QKI: variants seen among roughly 807,000 people sequenced by gnomAD.
QKI encodes the protein KH domain-containing RNA-binding protein QKI.
In QKI, 10 loss-of-function variants were observed where a neutral mutation model predicts 39.0. The ratio of observed to expected loss-of-function variants is 0.26; its 90% confidence interval spans 0.16 to 0.43. QKI has a LOEUF of 0.43. Ranked by LOEUF, QKI falls within the 20% of genes least tolerant of loss-of-function variation. The probability of loss-of-function intolerance (pLI) is 1.00; values close to 1 mark genes in which losing one functional copy is unlikely to be tolerated. For synonymous variants in QKI, 204 were observed against 155.4 expected, an observed-to-expected ratio of 1.31 and a Z score of -2.33; for missense variants, 218 against 428.0, an observed-to-expected ratio of 0.51 and a Z score of 4.33.
intron 4 of QKI, among the ~76,000 whole-genome samples, chr6:163,542,865 T>A (rs7769044): frequency 2.4e-4 from 37 of 152,124 alleles, no homozygotes; most frequent in Admixed American, 3.9e-4. Flanking sequence ...GTTTTGAAAT[T>A]TAAAGTTGTC....
intron 1 of QKI, among the ~76,000 whole-genome samples, chr6:163,442,302 ATAATT>A (rs1267674199): frequency 6.6e-6 from 1 of 152,372 alleles, no homozygotes; most frequent in Admixed American, 6.5e-5. Context: ...AAATGAAAAA[ATAATT>A]TAAACATTTT....
chr6:163,577,122 T>C lies in QKI; in HGVS notation c.*6412T>C, dbSNP rs957673029. The C allele has an allele frequency of 2.0e-5, 3 of 152,232 alleles. No homozygotes were observed. Among genetic ancestry groups the C allele is most frequent in the African/African-American group, 4.8e-5 (2 of 41,460 alleles). 9.4% of individuals were successfully genotyped at this position (152,232 alleles called of 1,614,324 possible). A position where few individuals can be genotyped will look rare whatever the true frequency, so the allele number is the denominator to read the frequency against. ...ATCATTTCCAGTAGTGTGAAACCTT[T>C]ACGAGTCTTTAACATCTAAATGTTA... On this transcript the variant is annotated 3_prime_UTR_variant, in exon 8 of 8. Transcript: ENST00000361752.
chr6:163,468,921 C>T (rs539438355), intron 2 of QKI, among the ~76,000 whole-genome samples: 4,207 of 146,464 alleles, frequency 0.029, 190 homozygotes, highest in African/African-American at 0.1. Context: ...TTTTTTTTTT[C>T]TTCATTCTCT....
At chr6:163,444,957 C>T (rs1018527450) in intron 1 of QKI, among the ~76,000 whole-genome samples, 5 of 151,864 alleles carry the variant, frequency 3.3e-5, no homozygotes, top group African/African-American at 9.7e-5. Context: ...GTCACCCAGG[C>T]GAGTGCAGCG....
At position 163,540,899 on chromosome 6, in the gene QKI, A is replaced by G. The variant is rs539113673; in HGVS notation, c.546+5774A>G. On this transcript the variant is annotated intron_variant, in intron 4 of 7. Coordinates refer to ENST00000361752, the MANE Select transcript of QKI (RefSeq NM_006775.3). ...CTACTTTTTTTTTCTTCCTGATCCA[A>G]TCTAGTTCTAGAGTTTTATCAATTT... is the stretch of plus-strand genomic sequence containing the variant. Among the ~76,000 whole-genome samples the G allele has an allele frequency of 7.2e-5, 11 of 152,028 alleles. No homozygotes were observed. The South Asian group carries it at 1.7e-3, about 23-fold the overall frequency.
chr6:163,487,047 G>A (rs939129257), intron 3 of QKI, among the ~76,000 whole-genome samples: 1 of 152,174 alleles, frequency 6.6e-6, no homozygotes, highest in African/African-American at 2.4e-5. Context: ...AATTAATTCA[G>A]TCTTGTGATT....
At chr6:163,551,974 T>A (rs1782257221) in intron 4 of QKI, among the ~76,000 whole-genome samples, 1 of 152,116 alleles carries the variant, frequency 6.6e-6, no homozygotes, top group Non-Finnish European at 1.5e-5. Context: ...CAGTTGAAAA[T>A]CCACGTATAA....
At position 163,534,978 on chromosome 6, in the gene QKI, T is replaced by A; in HGVS notation, c.403-4T>A. 1 of 1,592,606 alleles carries A rather than the reference T, an allele frequency of 6.3e-7. No homozygotes were observed. Among genetic ancestry groups the A allele is most frequent in the Non-Finnish European group, 8.5e-7 (1 of 1,171,556 alleles). On this transcript the variant is annotated splice_polypyrimidine_tract_variant and splice_region_variant and intron_variant, in intron 3 of 7. Coordinates refer to ENST00000361752, the MANE Select transcript of QKI (RefSeq NM_006775.3). The stretch of plus-strand genomic sequence containing the variant: ...TTTAATCATGTACTCTGTAAATTTT[T>A]TAGGAGGAGCAAAATAGAGGCAAGC...
At chr6:163,423,489 C>T (rs1788167200) in intron 1 of QKI, 1 of 152,198 alleles carries the variant, frequency 6.6e-6, no homozygotes, top group African/African-American at 2.4e-5. Flanking sequence ...CTTCTGCCCT[C>T]TGTTCCATTT....
At chr6:163,518,709 A>G (rs985720248) in intron 3 of QKI, among the ~76,000 whole-genome samples, 6 of 152,292 alleles carry the variant, frequency 3.9e-5, no homozygotes, top group Non-Finnish European at 7.4e-5. Flanking sequence ...GTCAAGTTTT[A>G]TACATGTAAA....
At chr6:163,486,767 A>G (rs1426032313) in intron 3 of QKI, among the ~76,000 whole-genome samples, 3 of 152,180 alleles carry the variant, frequency 2.0e-5, no homozygotes, top group African/African-American at 4.8e-5. Context: ...CACGTATGGT[A>G]TATTAAGTGG....
At chr6:163,553,277 A>G (rs961452111) in intron 4 of QKI, among the ~76,000 whole-genome samples, 1 of 151,510 alleles carries the variant, frequency 6.6e-6, no homozygotes, top group Non-Finnish European at 1.5e-5. Context: ...CTAATTTTGT[A>G]TTTTTAGTAG....
intron 6 of QKI, chr6:163,565,865 G>T: frequency 1.3e-6 from 2 of 1,582,298 alleles, no homozygotes; most frequent in Non-Finnish European, 1.7e-6. Flanking sequence ...AGACATGTGT[G>T]TTGGTAGTAG....
At chr6:163,439,677 A>G (rs1353794295) in intron 1 of QKI, among the ~76,000 whole-genome samples, 2 of 141,516 alleles carry the variant, frequency 1.4e-5, no homozygotes, top group Non-Finnish European at 3.1e-5. Flanking sequence ...TTTTTTTGAA[A>G]CAGAGTCTCA....
chr6:163,538,767 G>A (rs1234376336), intron 4 of QKI, among the ~76,000 whole-genome samples: 1 of 152,148 alleles, frequency 6.6e-6, no homozygotes, highest in Non-Finnish European at 1.5e-5. Context: ...TAGTGTTGAA[G>A]GTGCTGAGAA....
chr6:163,440,767 A>C (rs1789706048), intron 1 of QKI, among the ~76,000 whole-genome samples: 1 of 152,232 alleles, frequency 6.6e-6, no homozygotes, highest in Non-Finnish European at 1.5e-5. Flanking sequence ...ACATGACTAT[A>C]TTCCTAGGGC....
At chr6:163,519,631 A>G (rs926760681) in intron 3 of QKI, among the ~76,000 whole-genome samples, 2 of 151,722 alleles carry the variant, frequency 1.3e-5, no homozygotes, top group Non-Finnish European at 1.5e-5. Flanking sequence ...GTGTTCTTTA[A>G]TACTATTTTA....
At chr6:163,567,558 G>A in intron 7 of QKI, 2 of 983,526 alleles carry the variant, frequency 2.0e-6, no homozygotes, top group South Asian at 9.4e-5. Flanking sequence ...TGGAAAATAA[G>A]TCTTCATTTT....
At chr6:163,476,904 ACAT>A (rs1197261772) in intron 2 of QKI, among the ~76,000 whole-genome samples, 16 of 152,150 alleles carry the variant, frequency 1.1e-4, no homozygotes, top group Admixed American at 7.2e-4. Flanking sequence ...CTATACACAT[ACAT>A]ATCTGTACAT....
Sources: gnomAD v4.1 joint callset for allele counts (sites outside exome capture counted in the v4.1 genomes callset) on GRCh38, gnomAD v4.1.1 for gene constraint, MANE v1.5 for transcripts, NCBI Gene and HGNC (gene_info 2026-07-23, HGNC 2026-07-21) for gene names.